TMPRSS15: variants seen among roughly 807,000 people sequenced by gnomAD.
TMPRSS15 encodes transmembrane serine protease 15.
A neutral mutation model predicts 125.3 loss-of-function variants in TMPRSS15; 128 were observed. That is an observed-to-expected ratio of 1.02 (90% CI 0.89 to 1.18). TMPRSS15 has a LOEUF of 1.18. Ranked by LOEUF, TMPRSS15 falls within the 50% of genes most tolerant of loss-of-function variation. The pLI is 0.00. For missense variants in TMPRSS15, 1,283 were observed against 1,212.7 expected, an observed-to-expected ratio of 1.06 and a Z score of -0.86; for synonymous variants, 446 against 423.2, an observed-to-expected ratio of 1.05 and a Z score of -0.66.
chr21:18,343,531 G>A lies in TMPRSS15; in HGVS notation c.1403C>T (p.Thr468Ile). ...CTTAAATTTAACTGTTTCATTTAGG[G>A]TTACTTGTCCATAATTCCAATTGTC... is the stretch of plus-strand genomic sequence containing the variant. ...YGDNWNYGQVTLNETVKFKVA... is the reference protein window; with the variant it reads ...YGDNWNYGQVILNETVKFKVA... The change falls in exon 12 of 25, where the codon ACC becomes ATC. Residue 468 changes from threonine (T) to isoleucine (I), a missense_variant. Thr to Ile is a moderately conservative substitution (Grantham distance 89, BLOSUM62 -1). Coordinates refer to ENST00000284885, the MANE Select transcript of TMPRSS15 (RefSeq NM_002772.3). 6.2e-7 allele frequency: 1 copy of A among 1,612,006 alleles called. No individual in the cohort carries two copies. The highest frequency in any genetic ancestry group is 8.5e-7 in the Non-Finnish European group (1 of 1,178,418).
At chr21:18,413,364 CCTT>C (rs2123175552) in intron 1 of TMPRSS15, among the ~76,000 whole-genome samples, 1 of 135,730 alleles carries the variant, frequency 7.4e-6, no homozygotes, top group East Asian at 2.1e-4. Flanking sequence ...TCCTTCCTTT[CCTT>C]CCTTCCTTCC....
chr21:18,476,624 A>T (rs1978884798), intron 1 of TMPRSS15, among the ~76,000 whole-genome samples: 1 of 152,192 alleles, frequency 6.6e-6, no homozygotes, highest in African/African-American at 2.4e-5. Context: ...CATACATGTC[A>T]TATATATCCA....
intron 10 of TMPRSS15, among the ~76,000 whole-genome samples, chr21:18,344,608 C>T (rs1172573564): frequency 6.6e-6 from 1 of 152,074 alleles, no homozygotes; most frequent in East Asian, 1.9e-4. Flanking sequence ...GTAATCAGAT[C>T]ACTGAGAAGC....
Position 18,426,736 on chromosome 21 carries a change from C to T in TMPRSS15, c.11-28407G>A, listed in dbSNP as rs190253973. ...GCATTGTCAAAGATTTGTTTTATTT[C>T]AAAATTATGCATTTTCATTGATAAC... On this transcript the variant is annotated intron_variant, in intron 1 of 7. Transcript: ENST00000422787. Among the ~76,000 whole-genome samples the T allele has an allele frequency of 2.0e-5, 3 of 152,164 alleles. No homozygotes were observed. In the East Asian group the frequency reaches 5.8e-4, roughly 29 times the overall value.
chr21:18,274,568 G>A (rs1245975482), intron 24 of TMPRSS15, among the ~76,000 whole-genome samples: 1 of 152,112 alleles, frequency 6.6e-6, no homozygotes, highest in Admixed American at 6.6e-5. Context: ...ATTGACATTA[G>A]CACTACAGCA....
At chr21:18,403,884 C>A (rs1302308848), upstream of TMPRSS15, among the ~76,000 whole-genome samples, 3 of 152,110 alleles carry the variant, frequency 2.0e-5, no homozygotes, top group Non-Finnish European at 4.4e-5. Context: ...ATGTTAACTA[C>A]CTGAACAGGC....
intron 1 of TMPRSS15, among the ~76,000 whole-genome samples, chr21:18,450,229 C>A (rs986025825): frequency 1.3e-5 from 2 of 151,540 alleles, no homozygotes; most frequent in African/African-American, 4.8e-5. Context: ...GGAATTATTC[C>A]AGATGAAGTA....
intron 5 of TMPRSS15, among the ~76,000 whole-genome samples, chr21:18,372,632 C>T (rs971078507): frequency 1.3e-5 from 2 of 152,180 alleles, no homozygotes; most frequent in East Asian, 1.9e-4. Context: ...CTGTAGAGTA[C>T]ATTTACCAAC....
At chr21:18,368,412 C>G (rs190285911) in intron 6 of TMPRSS15, among the ~76,000 whole-genome samples, 1 of 152,150 alleles carries the variant, frequency 6.6e-6, no homozygotes, top group East Asian at 1.9e-4. Context: ...GGCCGATGAA[C>G]GATTGTAAAA....
At chr21:18,341,270 T>C (rs2075442732) in intron 13 of TMPRSS15, 143 bp downstream of exon 13, 1 of 967,058 alleles carries the variant, frequency 1.0e-6, no homozygotes, top group Non-Finnish European at 1.6e-6. Context: ...AGAGTCTCGC[T>C]GTAATCCTCA....
At chr21:18,341,990 A>AC (rs1319160610) in intron 12 of TMPRSS15, among the ~76,000 whole-genome samples, 1 of 152,112 alleles carries the variant, frequency 6.6e-6, no homozygotes, top group East Asian at 1.9e-4. Flanking sequence ...TGAAGAGAAA[A>AC]CACACTGGGG....
chr21:18,315,841 A>C (rs1026235561), intron 16 of TMPRSS15, among the ~76,000 whole-genome samples: 29 of 146,106 alleles, frequency 2.0e-4, no homozygotes, highest in Admixed American at 4.8e-4. Context: ...CTTAAAGTAT[A>C]ATAAAATATA....
intron 1 of TMPRSS15, among the ~76,000 whole-genome samples, chr21:18,470,152 T>C (rs1978747358): frequency 6.6e-6 from 1 of 152,044 alleles, no homozygotes; most frequent in Non-Finnish European, 1.5e-5. Context: ...AGAATAGCCT[T>C]TGCTCTCTTT....
chr21:18,359,146 C>G (rs541292932), intron 8 of TMPRSS15, among the ~76,000 whole-genome samples: 3 of 151,910 alleles, frequency 2.0e-5, no homozygotes, highest in Non-Finnish European at 4.4e-5. Context: ...TTTTGGGGCC[C>G]GGTGGAATAA....
intron 21 of TMPRSS15, among the ~76,000 whole-genome samples, chr21:18,290,370 A>G (rs1333976197): frequency 1.3e-5 from 2 of 152,178 alleles, no homozygotes; most frequent in African/African-American, 4.8e-5. Context: ...GGTTTCTTAC[A>G]GAAAAGTTGA....
In TMPRSS15 at chr21:18,353,060, T is replaced by C; in HGVS notation, c.1022-8A>G. ...AATTAATTTTCTCATAATCTGTGAA[T>C]GAAAAAAAAGAAGGAATAAAAAAAA... On this transcript the variant is annotated splice_region_variant and splice_polypyrimidine_tract_variant and intron_variant, in intron 9 of 24. Transcript: ENST00000284885. 6.2e-7 allele frequency: 1 copy of C among 1,606,160 alleles called. No individual in the cohort carries two copies. The highest frequency in any genetic ancestry group is 8.5e-7 in the Non-Finnish European group (1 of 1,177,080).
At chr21:18,410,537 A>G (rs2076163543) in intron 1 of TMPRSS15, among the ~76,000 whole-genome samples, 1 of 151,870 alleles carries the variant, frequency 6.6e-6, no homozygotes, top group Non-Finnish European at 1.5e-5. Flanking sequence ...GAAAATTAGA[A>G]CTTTTTTGAG....
At chr21:18,333,384 T>G (rs1346358738) in intron 13 of TMPRSS15, among the ~76,000 whole-genome samples, 1 of 152,346 alleles carries the variant, frequency 6.6e-6, no homozygotes, top group East Asian at 1.9e-4. Context: ...AAGGAAATTT[T>G]TTTGTCAAAT....
chr21:18,400,790 A>G (rs922702307), intron 1 of TMPRSS15, among the ~76,000 whole-genome samples: 5 of 152,168 alleles, frequency 3.3e-5, no homozygotes, highest in Non-Finnish European at 7.4e-5. Context: ...AAGTCAACAT[A>G]CAACCTATGG....
Sources: gnomAD v4.1 joint callset for allele counts (sites outside exome capture counted in the v4.1 genomes callset) on GRCh38, gnomAD v4.1.1 for gene constraint, MANE v1.5 for transcripts, NCBI Gene and HGNC (gene_info 2026-07-23, HGNC 2026-07-21) for gene names.